ANKMY1: variants seen among roughly 807,000 people sequenced by gnomAD.
The protein encoded by ANKMY1 is ankyrin repeat and MYND domain containing 1.
In ANKMY1, 98 loss-of-function variants were observed where a neutral mutation model predicts 102.0. That is an observed-to-expected ratio of 0.96 (90% CI 0.82 to 1.14). ANKMY1 has a LOEUF of 1.14. Ranked by LOEUF, ANKMY1 falls within the 50% of genes most tolerant of loss-of-function variation. ANKMY1 has a pLI of 0.00. For missense variants in ANKMY1, 1,330 were observed against 1,347.6 expected, an observed-to-expected ratio of 0.99 and a Z score of 0.20; for synonymous variants, 582 against 559.9, an observed-to-expected ratio of 1.04 and a Z score of -0.56.
In ANKMY1 at chr2:240,554,945, T is replaced by C. The variant is rs1345257102; in HGVS notation, c.257A>G (p.Gln86Arg). ...IQLVQGVQEW[Q>R]DGCMYQGEFG... ...CTCCCCCTGGTACATGCAACCATCC[T>C]GCCACTCCTGCACACCCTGGACGAG... The change falls in exon 3 of 18, where the codon CAG becomes CGG. Residue 86 changes from glutamine to arginine, a missense_variant. By Grantham distance (43) the Gln-to-Arg change is conservative (BLOSUM62 1). Coordinates refer to ENST00000401804, the MANE Select transcript of ANKMY1 (RefSeq NM_001282771.3). 4 of 1,614,186 alleles carry C rather than the reference T, an allele frequency of 2.5e-6. No individual in the cohort carries two copies. The highest frequency in any genetic ancestry group is 3.3e-5 in the Admixed American group (2 of 60,030).
At chr2:240,511,659 C>T (rs78344964) in intron 11 of ANKMY1, among the ~76,000 whole-genome samples, 6,119 of 152,346 alleles carry the variant, frequency 0.04, 197 homozygotes, top group Middle Eastern at 0.068. Flanking sequence ...ACCCAGGCCC[C>T]GTGCGCAGGC....
chr2:240,499,885 A>C lies in ANKMY1; in HGVS notation c.2806+73T>G. 1 of 1,500,988 alleles carries C rather than the reference A, an allele frequency of 6.7e-7. No individual in the cohort carries two copies. 93.0% of individuals were successfully genotyped at this position (1,500,988 alleles called of 1,614,324 possible). ...AGAGCCCCAGGGGGTCCAGATCTCC[A>C]GGGATAACAGCCCCAGGCACGAGGC... is the stretch of plus-strand genomic sequence containing the variant. On this transcript the variant is annotated intron_variant, in intron 15 of 17. Coordinates refer to ENST00000401804, the MANE Select transcript of ANKMY1 (RefSeq NM_001282771.3). The surrounding 1 kb of genome is among the most constrained non-coding windows in gnomAD (Gnocchi z 4.2).
At chr2:240,511,094 A>G (rs2080090917) in intron 11 of ANKMY1, among the ~76,000 whole-genome samples, 1 of 151,840 alleles carries the variant, frequency 6.6e-6, no homozygotes, top group Non-Finnish European at 1.5e-5. Flanking sequence ...GGATGTTCTG[A>G]AGCAGGGAGG....
chr2:240,531,550 A>AT (rs1228154647), intron 4 of ANKMY1, among the ~76,000 whole-genome samples: 3 of 152,206 alleles, frequency 2.0e-5, no homozygotes, highest in Non-Finnish European at 2.9e-5. Context: ...CTACCCCATA[A>AT]TTTTTTTAAA....
chr2:240,494,092 G>T (rs930043358), intron 15 of ANKMY1, among the ~76,000 whole-genome samples: 1 of 152,114 alleles, frequency 6.6e-6, no homozygotes, highest in Non-Finnish European at 1.5e-5. Context: ...AGGCCCCCAG[G>T]AGGAGTGCTC....
chr2:240,480,442 C>T (rs559854913), intron 17 of ANKMY1, among the ~76,000 whole-genome samples: 1 of 152,324 alleles, frequency 6.6e-6, no homozygotes, highest in East Asian at 1.9e-4. Flanking sequence ...TTGCGGGAGA[C>T]CAGAGTGTTT....
intron 2 of ANKMY1, chr2:240,555,550 G>A (rs2092234913): frequency 5.9e-6 from 1 of 168,840 alleles, no homozygotes; most frequent in African/African-American, 2.4e-5. Flanking sequence ...CAGGTGGATA[G>A]GTGGACAGAT....
rs1035788690 is a variant in ANKMY1, at chr2:240,506,891, C to T, written c.2526+669G>A. Among the ~76,000 whole-genome samples the T allele has an allele frequency of 1.5e-4, 23 of 152,158 alleles. No homozygotes were observed. Among genetic ancestry groups the T allele is most frequent in the Non-Finnish European group, 3.1e-4 (21 of 68,036 alleles). On this transcript the variant is annotated intron_variant, in intron 13 of 17. Transcript: ENST00000401804. This position sits in a 1 kb window ranked among gnomAD's most constrained non-coding sequence, Gnocchi z 4.9. ...CCAGGGACGTGCCTAGGGCTCAGGA[C>T]AGAAGGTGTCTCCAGCGCGGGCAGG...
At chr2:240,540,964 T>C (rs939468924) in intron 4 of ANKMY1, among the ~76,000 whole-genome samples, 5 of 152,338 alleles carry the variant, frequency 3.3e-5, no homozygotes, top group Admixed American at 6.5e-5. Context: ...TCTTTGAAAT[T>C]TGACATCTGC....
chr2:240,516,848 AGGT>A (rs747869953), intron 9 of ANKMY1, among the ~76,000 whole-genome samples: 46 of 152,236 alleles, frequency 3.0e-4, no homozygotes, highest in Non-Finnish European at 4.8e-4. Context: ...GCAAAGCAGG[AGGT>A]GACTGCATGG....
In ANKMY1 at chr2:240,509,398, A is replaced by G. The variant is rs1216573700; in HGVS notation, c.2344T>C (p.Trp782Arg). 1.9e-6 allele frequency: 3 copies of G among 1,613,790 alleles called. No homozygotes were observed. The highest frequency in any genetic ancestry group is 2.5e-6 in the Non-Finnish European group (3 of 1,179,864). The change falls in exon 12 of 18, where the codon TGG becomes CGG. Residue 782 changes from tryptophan to arginine, a missense_variant. Trp to Arg is a moderately radical substitution (Grantham distance 101, BLOSUM62 -3). Coordinates refer to ENST00000401804, the MANE Select transcript of ANKMY1 (RefSeq NM_001282771.3). ...LSHGANPNLL[W>R]SGHSPLSLSI... ...AGGGAGAGCGGGGAGTGGCCACTCC[A>G]CAGCAGGTTAGGATTTGCTCCGTGG...
chr2:240,486,996 G>A (rs1015153599), intron 15 of ANKMY1, among the ~76,000 whole-genome samples: 1 of 152,022 alleles, frequency 6.6e-6, no homozygotes, highest in African/African-American at 2.4e-5. Context: ...AGGGTATTCG[G>A]GTGTCCATCA....
At chr2:240,473,547 C>T in the ANKMY1 span, among the ~76,000 whole-genome samples, 1 of 147,130 alleles carries the variant, frequency 6.8e-6, no homozygotes, top group African/African-American at 2.5e-5. Flanking sequence ...CCTACGGAGA[C>T]CAACAAGAAA....
rs1386307884 is a variant in ANKMY1, at chr2:240,520,609, G to C, written c.1833-76C>G. On this transcript the variant is annotated intron_variant, in intron 8 of 17. Coordinates refer to ENST00000401804, the MANE Select transcript of ANKMY1 (RefSeq NM_001282771.3). The surrounding 1 kb of genome is among the most constrained non-coding windows in gnomAD (Gnocchi z 4.8). ...GCGCCCAGAACGGGGCCATGCCAGC[G>C]AGGAGGCTGGGGAGGGGCGCGTAGG... The C allele has an allele frequency of 6.6e-7, 1 of 1,506,660 alleles. No homozygotes were observed. The highest frequency in any genetic ancestry group is 8.9e-7 in the Non-Finnish European group (1 of 1,126,212). The allele number at this position is 1,506,660 out of a possible 1,614,324, so 93.3% of individuals were successfully genotyped here.
intron 12 of ANKMY1, 139 bp from the exon 13 acceptor site, chr2:240,507,830 G>A (rs763132687): frequency 9.0e-5 from 95 of 1,057,222 alleles, no homozygotes; most frequent in African/African-American, 1.3e-4. Context: ...CCCTTCCCAC[G>A]GATCCTACCC....
At chr2:240,497,295 G>C (rs2077392854) in intron 15 of ANKMY1, among the ~76,000 whole-genome samples, 3 of 152,242 alleles carry the variant, frequency 2.0e-5, no homozygotes, top group Non-Finnish European at 4.4e-5. Context: ...TGGCCATCTT[G>C]GAAGCACAGT....
At chr2:240,534,386 C>T (rs1434855298) in intron 4 of ANKMY1, among the ~76,000 whole-genome samples, 1 of 152,148 alleles carries the variant, frequency 6.6e-6, no homozygotes, top group Non-Finnish European at 1.5e-5. Flanking sequence ...GCAGGAGGAA[C>T]ACTTGAGCCC....
intron 5 of ANKMY1, chr2:240,527,348 G>A (rs1157133375): frequency 4.7e-4 from 1 of 2,134 alleles, no homozygotes; most frequent in Non-Finnish European, 1.1e-3. Context: ...TTGGATGAAT[G>A]GATGGTTGGA....
chr2:240,549,394 C>T (rs1271557584), intron 4 of ANKMY1, among the ~76,000 whole-genome samples: 1 of 152,014 alleles, frequency 6.6e-6, no homozygotes, highest in Non-Finnish European at 1.5e-5. Context: ...AAACGTTAGA[C>T]CTAAAACCAT....
Sources: gnomAD v4.1 joint callset for allele counts (sites outside exome capture counted in the v4.1 genomes callset) on GRCh38, gnomAD v4.1.1 for gene constraint, Gnocchi (gnomAD v3.1) non-coding constraint, MANE v1.5 for transcripts, NCBI Gene and HGNC (gene_info 2026-07-23, HGNC 2026-07-21) for gene names.